Variants in NFIB observed in about 807,000 individuals in gnomAD.
NFIB encodes the protein nuclear factor I B.
A neutral mutation model predicts 61.5 loss-of-function variants in NFIB; 11 were observed. That is an observed-to-expected ratio of 0.18 (90% confidence interval 0.11 to 0.30). NFIB has a LOEUF of 0.30. Ranked by LOEUF, NFIB falls within the 10% of genes least tolerant of loss-of-function variation. NFIB has a pLI of 1.00. For missense variants in NFIB, 471 were observed against 608.9 expected (o/e 0.77, Z 2.38); for synonymous variants, 260 against 216.5 (o/e 1.20, Z -1.76).
chr9:14,518,223 G>C, the NFIB span, among the ~76,000 whole-genome samples: 1,150 of 152,270 alleles, frequency 7.6e-3, 23 homozygotes, highest in African/African-American at 0.026. Context: ...ATAGAGGCTA[G>C]CGACTTCTCA....
chr9:14,361,300 T>C (rs1272355554), intron 1 of NFIB: 1 of 152,150 alleles, frequency 6.6e-6, no homozygotes, highest in East Asian at 1.9e-4. Flanking sequence ...AGGATTGCTT[T>C]TTGCTAAAAG....
intron 2 of NFIB, among the ~76,000 whole-genome samples, chr9:14,207,762 C>T (rs1175701825): frequency 6.6e-6 from 1 of 152,192 alleles, no homozygotes; most frequent in East Asian, 1.9e-4. Flanking sequence ...TTACTACGGT[C>T]TTGGCTGTAC....
intron 1 of NFIB, chr9:14,322,225 G>T: frequency 1.3e-6 from 1 of 785,710 alleles, no homozygotes; most frequent in Non-Finnish European, 1.7e-6. Flanking sequence ...AGTCTGTCTG[G>T]ATTTCCAGCT....
intron 2 of NFIB, among the ~76,000 whole-genome samples, chr9:14,300,673 C>G (rs1429141804): frequency 1.3e-5 from 2 of 152,168 alleles, no homozygotes; most frequent in Admixed American, 1.3e-4. Context: ...TGTAAGCCAC[C>G]ATGATAACAG....
chr9:14,337,512 G>T (rs926063001), intron 1 of NFIB, among the ~76,000 whole-genome samples: 1 of 152,206 alleles, frequency 6.6e-6, no homozygotes, highest in African/African-American at 2.4e-5. Flanking sequence ...TTGACTTGGG[G>T]TCATTATTGC....
chr9:14,379,603 A>G (rs2061460551), intron 1 of NFIB, among the ~76,000 whole-genome samples: 1 of 152,172 alleles, frequency 6.6e-6, no homozygotes, highest in South Asian at 2.1e-4. Context: ...TCTGCATGAG[A>G]GGGTTACAAG....
At chr9:14,395,726 CTT>C (rs35417792) in intron 1 of NFIB, among the ~76,000 whole-genome samples, 5,509 of 65,188 alleles carry the variant, frequency 0.085, 92 homozygotes, top group Non-Finnish European at 0.13. Flanking sequence ...ATTCTTTTGA[CTT>C]TTTTTTTTTT....
chr9:14,481,197 GTATATATATA>G, the NFIB span, among the ~76,000 whole-genome samples: 1,036 of 45,856 alleles, frequency 0.023, 93 homozygotes, highest in Middle Eastern at 0.062. Flanking sequence ...GTGTGTGTGT[GTATATATATA>G]TATATATATA....
chr9:14,445,193 C>T, the NFIB span, among the ~76,000 whole-genome samples: 1 of 151,998 alleles, frequency 6.6e-6, no homozygotes, highest in Non-Finnish European at 1.5e-5. Flanking sequence ...TTGCCAAACT[C>T]TTTTATTAAT....
intron 1 of NFIB, among the ~76,000 whole-genome samples, chr9:14,370,534 G>T (rs1020969520): frequency 6.6e-6 from 1 of 152,214 alleles, no homozygotes; most frequent in Non-Finnish European, 1.5e-5. Context: ...GTAAATATGT[G>T]TTAAATTTGT....
At chr9:14,162,665 T>C (rs1472524152) in intron 3 of NFIB, among the ~76,000 whole-genome samples, 6 of 152,250 alleles carry the variant, frequency 3.9e-5, no homozygotes, top group East Asian at 1.9e-4. Flanking sequence ...TAAAAAGTTA[T>C]TGAATGTTTG....
At chr9:14,360,132 A>C (rs1212916322) in intron 1 of NFIB, among the ~76,000 whole-genome samples, 1 of 152,190 alleles carries the variant, frequency 6.6e-6, no homozygotes, top group African/African-American at 2.4e-5. Context: ...ACAATCAGGA[A>C]AATATATAGC....
chr9:14,292,898 C>T (rs998713621), intron 2 of NFIB, among the ~76,000 whole-genome samples: 1 of 151,994 alleles, frequency 6.6e-6, no homozygotes, highest in East Asian at 1.9e-4. Context: ...ATGTCTTCTC[C>T]TATATGCATC....
At chr9:14,202,149 C>G (rs1489549533) in intron 2 of NFIB, among the ~76,000 whole-genome samples, 1 of 151,790 alleles carries the variant, frequency 6.6e-6, no homozygotes, top group East Asian at 1.9e-4. Flanking sequence ...CACACACACA[C>G]ACACACACAC....
At chr9:14,375,904 G>C (rs191219388) in intron 1 of NFIB, among the ~76,000 whole-genome samples, 1 of 152,270 alleles carries the variant, frequency 6.6e-6, no homozygotes, top group Admixed American at 6.5e-5. Flanking sequence ...ATCATCCAAG[G>C]CTTATTCACT....
chr9:14,197,244 G>C (rs1478616115), intron 2 of NFIB, among the ~76,000 whole-genome samples: 1 of 152,148 alleles, frequency 6.6e-6, no homozygotes, highest in Non-Finnish European at 1.5e-5. Context: ...GACTTTCTTA[G>C]GATCTGAGGG....
intron 1 of NFIB, among the ~76,000 whole-genome samples, chr9:14,395,521 G>C (rs535440741): frequency 6.6e-6 from 1 of 151,826 alleles, no homozygotes; most frequent in South Asian, 2.1e-4. Flanking sequence ...TGTTTTTCTC[G>C]TGAGCCCCAC....
intron 2 of NFIB, among the ~76,000 whole-genome samples, chr9:14,274,370 G>C (rs376386991): frequency 6.6e-6 from 1 of 151,944 alleles, no homozygotes; most frequent in Non-Finnish European, 1.5e-5. Flanking sequence ...GGCGGCAGCC[G>C]TGCCAAAATT....
At chr9:14,530,824 C>T in the NFIB span, among the ~76,000 whole-genome samples, 1 of 151,166 alleles carries the variant, frequency 6.6e-6, no homozygotes, top group Non-Finnish European at 1.5e-5. Flanking sequence ...GTGAGAAAAA[C>T]GGCCCTTGTA....
Sources: allele counts gnomAD v4.1 joint callset (sites outside exome capture counted in the v4.1 genomes callset), GRCh38; gene constraint gnomAD v4.1.1; transcripts MANE v1.5; gene names NCBI Gene and HGNC (gene_info 2026-07-23, HGNC 2026-07-21).